PDSS2: variants seen among roughly 807,000 people sequenced by gnomAD.
PDSS2 encodes decaprenyl diphosphate synthase subunit 2.
A neutral mutation model predicts 44.5 loss-of-function variants in PDSS2; 31 were observed. The observed-to-expected ratio is 0.70, with a 90% CI of 0.52 to 0.94. The LOEUF is 0.94. Ranked by LOEUF, PDSS2 falls within the 40% of genes least tolerant of loss-of-function variation. PDSS2 has a pLI of 0.00. For missense variants in PDSS2, 452 were observed against 482.2 expected, an observed-to-expected ratio of 0.94 and a Z score of 0.59; for synonymous variants, 157 against 180.3, an observed-to-expected ratio of 0.87 and a Z score of 1.03.
At chr6:107,371,553 T>C (rs934511149) in intron 1 of PDSS2, among the ~76,000 whole-genome samples, 16 of 152,276 alleles carry the variant, frequency 1.1e-4, no homozygotes, top group African/African-American at 3.8e-4. Flanking sequence ...TTGTAGTTCA[T>C]TTTTCAAAGT....
At chr6:107,175,105 G>A (rs1380577271) in intron 7 of PDSS2, among the ~76,000 whole-genome samples, 6 of 151,910 alleles carry the variant, frequency 3.9e-5, no homozygotes, top group Admixed American at 6.6e-5. Context: ...CCAGCTACTC[G>A]GGAGGCTGAG....
intron 2 of PDSS2, among the ~76,000 whole-genome samples, chr6:107,302,872 T>G (rs757012225): frequency 1.3e-5 from 2 of 151,752 alleles, no homozygotes; most frequent in African/African-American, 4.8e-5. Flanking sequence ...ATTTAAAATA[T>G]CTCAATAATA....
chr6:107,420,329 T>C (rs1009176354), intron 1 of PDSS2, among the ~76,000 whole-genome samples: 1 of 152,184 alleles, frequency 6.6e-6, no homozygotes, highest in African/African-American at 2.4e-5. Flanking sequence ...TGCTAGCCTT[T>C]TGCTGCGACT....
chr6:107,167,688 C>T (rs1212926867), intron 7 of PDSS2, among the ~76,000 whole-genome samples: 1 of 152,124 alleles, frequency 6.6e-6, no homozygotes, highest in Admixed American at 6.6e-5. Flanking sequence ...TCTTTGTTCT[C>T]ATTGGTTTCA....
intron 4 of PDSS2, among the ~76,000 whole-genome samples, chr6:107,218,810 C>T (rs1278601082): frequency 2.0e-5 from 3 of 152,174 alleles, no homozygotes; most frequent in Non-Finnish European, 4.4e-5. Flanking sequence ...ATAATCCCAG[C>T]ACTTTGGGAG....
chr6:107,287,009 C>G (rs1041876261), intron 2 of PDSS2, among the ~76,000 whole-genome samples: 11 of 152,110 alleles, frequency 7.2e-5, no homozygotes, highest in African/African-American at 2.7e-4. Flanking sequence ...CACTGCACTC[C>G]AGCCTGGTGA....
intron 4 of PDSS2, among the ~76,000 whole-genome samples, chr6:107,225,197 A>C (rs1773779183): frequency 1.0e-5 from 1 of 96,546 alleles, no homozygotes; most frequent in African/African-American, 5.3e-5. Context: ...TTTGAGACAG[A>C]GTGTCACTCT....
Position 107,383,824 on chromosome 6 carries a change from CATT to C in PDSS2, c.297-49495_297-49493del, listed in dbSNP as rs1445520235. The stretch of plus-strand genomic sequence containing the variant: ...GATGTGGAGAAATGGAACCTTCATT[CATT>C]AATGGGATTTTAAAATCATACAGCC... On this transcript the variant is annotated intron_variant, in intron 1 of 7. Transcript: ENST00000369037. 4.6e-5 allele frequency among the ~76,000 whole-genome samples: 7 copies of C among 152,250 alleles called. No individual in the cohort carries two copies. The East Asian group carries it at 1.4e-3, about 29-fold the overall frequency.
intron 1 of PDSS2, among the ~76,000 whole-genome samples, chr6:107,378,764 C>T (rs541934932): frequency 1.9e-4 from 29 of 152,210 alleles, no homozygotes; most frequent in African/African-American, 5.1e-4. Flanking sequence ...CCAGCCTGGG[C>T]GACAGAGTAT....
Position 107,459,031 on chromosome 6 carries a change from C to T in PDSS2, c.255G>A (p.Arg85=). Residue 85 remains arginine, a synonymous_variant, in exon 1 of 8, where the codon CGG becomes CGA. Coordinates refer to ENST00000369037, the MANE Select transcript of PDSS2 (RefSeq NM_020381.4). This position sits in a 1 kb window ranked among gnomAD's most constrained non-coding sequence, Gnocchi z 4.3. ...GAGGGTGCTGAGTGCCCACCAGCTT[C>T]CGCACCTGCATAGCGATGTTGCTGA... is the stretch of plus-strand genomic sequence containing the variant. ...DELSNIAMQV[R]KLVGTQHPLL... The T allele has an allele frequency of 6.2e-7, 1 of 1,614,186 alleles. No homozygotes were observed. The highest frequency in any genetic ancestry group is 8.5e-7 in the Non-Finnish European group (1 of 1,180,042).
intron 1 of PDSS2, among the ~76,000 whole-genome samples, chr6:107,350,310 A>C (rs1159687738): frequency 1.3e-5 from 2 of 152,232 alleles, no homozygotes; most frequent in Non-Finnish European, 2.9e-5. Flanking sequence ...TTCATCACAC[A>C]CCAGAGCAGG....
At chr6:107,310,275 A>G (rs1266865947) in intron 2 of PDSS2, among the ~76,000 whole-genome samples, 1 of 117,578 alleles carries the variant, frequency 8.5e-6, no homozygotes, top group African/African-American at 3.2e-5. Flanking sequence ...ACAGAGCAAG[A>G]CTCCATCCCA....
intron 1 of PDSS2, among the ~76,000 whole-genome samples, chr6:107,422,699 A>C (rs941812976): frequency 2.0e-5 from 3 of 152,110 alleles, no homozygotes; most frequent in Admixed American, 1.3e-4. Flanking sequence ...AGTAACAAAA[A>C]TATACACATG....
At position 107,219,391 on chromosome 6, in the gene PDSS2, A is replaced by G. The variant is rs1245561638; in HGVS notation, c.703-7109T>C. Among the ~76,000 whole-genome samples the G allele has an allele frequency of 7.2e-5, 11 of 152,016 alleles. No homozygotes were observed. The East Asian group carries it at 1.6e-3, about 22-fold the overall frequency. ...CAACCTCCGCCTCCCAGGTTCAAGC[A>G]ATTCTCCTGCCTCAGCCTCCCGAGT... On this transcript the variant is annotated intron_variant, in intron 4 of 7. Transcript: ENST00000369037.
intron 1 of PDSS2, among the ~76,000 whole-genome samples, chr6:107,387,147 T>A (rs546243288): frequency 1.3e-5 from 2 of 152,200 alleles, no homozygotes; most frequent in African/African-American, 4.8e-5. Flanking sequence ...AGGGTCTGAC[T>A]ACTTAGACCT....
At chr6:107,385,832 T>C (rs1779595269) in intron 1 of PDSS2, among the ~76,000 whole-genome samples, 2 of 152,160 alleles carry the variant, frequency 1.3e-5, no homozygotes, top group Non-Finnish European at 1.5e-5. Context: ...TAAAAAAGCA[T>C]GATTGTACAT....
chr6:107,255,447 C>T (rs1774980531), intron 3 of PDSS2, among the ~76,000 whole-genome samples: 1 of 151,488 alleles, frequency 6.6e-6, no homozygotes, highest in Admixed American at 6.6e-5. Flanking sequence ...TGGCCTCAGC[C>T]TCCCAAAGTG....
chr6:107,448,680 G>A (rs12212335), intron 1 of PDSS2, among the ~76,000 whole-genome samples: 7,383 of 152,154 alleles, frequency 0.049, 367 homozygotes, highest in African/African-American at 0.12. Context: ...CTGCAAAGTC[G>A]CTTCCACATT....
chr6:107,179,553 A>G (rs938301148), intron 7 of PDSS2, among the ~76,000 whole-genome samples: 3 of 152,088 alleles, frequency 2.0e-5, no homozygotes, highest in African/African-American at 4.8e-5. Context: ...GGAGTGAGCC[A>G]CAGCATCCGG....
Sources: allele counts gnomAD v4.1 joint callset (sites outside exome capture counted in the v4.1 genomes callset), GRCh38; gene constraint gnomAD v4.1.1; non-coding constraint Gnocchi (gnomAD v3.1); transcripts MANE v1.5; gene names NCBI Gene and HGNC (gene_info 2026-07-23, HGNC 2026-07-21).